Variants in RBFOX1 observed in about 807,000 individuals in gnomAD.
RBFOX1 encodes RNA binding protein fox-1 homolog 1.
Under a neutral mutation model 57.7 loss-of-function variants are expected in RBFOX1, and 8 were observed. The ratio of observed to expected loss-of-function variants is 0.14; its 90% CI spans 0.08 to 0.25. The LOEUF (loss-of-function observed/expected upper bound fraction) is 0.25, where lower values mean the gene tolerates loss of function less well. Ranked by LOEUF, RBFOX1 falls within the 10% of genes least tolerant of loss-of-function variation. RBFOX1 has a pLI of 1.00. For missense variants in RBFOX1, 611 were observed against 548.5 expected, an observed-to-expected ratio of 1.11 and a Z score of -1.14; for synonymous variants, 326 against 222.4, an observed-to-expected ratio of 1.47 and a Z score of -4.15.
At chr16:5,531,765 G>C (rs993590717) in intron 2 of RBFOX1, among the ~76,000 whole-genome samples, 1 of 151,552 alleles carries the variant, frequency 6.6e-6, no homozygotes, top group African/African-American at 2.4e-5. Flanking sequence ...TAGTGGTGGA[G>C]GTAGATAGGT....
intron 1 of RBFOX1, among the ~76,000 whole-genome samples, chr16:6,080,127 C>T (rs745758235): frequency 2.0e-5 from 3 of 152,138 alleles, no homozygotes; most frequent in Non-Finnish European, 4.4e-5. Context: ...ATATTTCCAC[C>T]TTGGTGTGTA....
At chr16:6,921,893 T>C (rs2153455577) in intron 3 of RBFOX1, among the ~76,000 whole-genome samples, 1 of 152,230 alleles carries the variant, frequency 6.6e-6, no homozygotes, top group South Asian at 2.1e-4. Flanking sequence ...GAGGAGATTA[T>C]GCAAGGGTGA....
chr16:5,842,343 G>T (rs763674727), intron 3 of RBFOX1, among the ~76,000 whole-genome samples: 9 of 152,110 alleles, frequency 5.9e-5, no homozygotes, highest in Non-Finnish European at 8.8e-5. Context: ...TGGCAGGAGG[G>T]TTTAGGGAAT....
intron 2 of RBFOX1, among the ~76,000 whole-genome samples, chr16:6,356,257 A>G (rs1365169134): frequency 6.6e-6 from 1 of 152,160 alleles, no homozygotes; most frequent in Non-Finnish European, 1.5e-5. Context: ...AAAGGGAGCA[A>G]TGTTGCAGGG....
chr16:7,665,542 C>G (rs1281563072), intron 13 of RBFOX1, among the ~76,000 whole-genome samples: 3 of 152,100 alleles, frequency 2.0e-5, no homozygotes, highest in Non-Finnish European at 4.4e-5. Context: ...CCCCAATTAC[C>G]TGACTTAAAA....
Position 5,507,925 on chromosome 16 carries a change from T to C in RBFOX1, c.258+40671T>C, listed in dbSNP as rs1039580400. ...AGAGTTCTGCCCTCCAGCATGAGAA[T>C]GCTTATGTGTTGTTTTAGGCCATCT... On this transcript the variant is annotated intron_variant, in intron 2 of 2. Coordinates refer to the RBFOX1 transcript ENST00000585867. Among the ~76,000 whole-genome samples the C allele has an allele frequency of 2.4e-4, 37 of 152,228 alleles. 1 individual carries two copies. The highest frequency in any genetic ancestry group is 2.1e-4 in the South Asian group (1 of 4,808).
intron 4 of RBFOX1, among the ~76,000 whole-genome samples, chr16:5,945,168 A>G (rs989078898): frequency 6.6e-6 from 1 of 152,048 alleles, no homozygotes; most frequent in African/African-American, 2.4e-5. Context: ...GCAAGTCATT[A>G]CAGAATTACT....
chr16:6,953,087 A>T (rs1426382596), intron 3 of RBFOX1, among the ~76,000 whole-genome samples: 2 of 152,192 alleles, frequency 1.3e-5, no homozygotes, highest in East Asian at 1.9e-4. Flanking sequence ...CACAAATACA[A>T]AAACAAAGAA....
At chr16:7,647,580 G>C (rs774960254) in intron 11 of RBFOX1, among the ~76,000 whole-genome samples, 2 of 151,850 alleles carry the variant, frequency 1.3e-5, no homozygotes, top group Non-Finnish European at 2.9e-5. Context: ...GCAGTGCTGG[G>C]GTTTAGAAAT....
At chr16:6,818,277 A>T (rs796135112) in intron 3 of RBFOX1, among the ~76,000 whole-genome samples, 1 of 151,952 alleles carries the variant, frequency 6.6e-6, no homozygotes, top group African/African-American at 2.4e-5. Flanking sequence ...GTGTAGCTGG[A>T]TTCACCTGTG....
intron 2 of RBFOX1, among the ~76,000 whole-genome samples, chr16:5,487,700 G>C (rs1223064103): frequency 1.3e-5 from 2 of 152,188 alleles, no homozygotes; most frequent in Non-Finnish European, 2.9e-5. Flanking sequence ...AGATGGTGGA[G>C]CTCATGTCTA....
In RBFOX1 at chr16:7,555,562, A is replaced by C. The variant is rs567418632; in HGVS notation, c.271-24215A>C. On this transcript the variant is annotated intron_variant, in intron 5 of 15. Transcript: ENST00000550418. ...TTTTTTGTTTAAAGCTAAAGTTCTT[A>C]GAGCAGACTACAAAGACCTGCGTGA... 4.6e-5 allele frequency among the ~76,000 whole-genome samples: 7 copies of C among 152,214 alleles called. No individual in the cohort carries two copies. In the South Asian group the frequency reaches 1.4e-3, roughly 31 times the overall value.
intron 11 of RBFOX1, among the ~76,000 whole-genome samples, chr16:7,644,647 C>G (rs546337745): frequency 1.3e-5 from 2 of 152,326 alleles, no homozygotes; most frequent in South Asian, 2.1e-4. Context: ...CAGTGATCAC[C>G]TTGTGCTCGG....
intron 3 of RBFOX1, among the ~76,000 whole-genome samples, chr16:5,784,269 A>C (rs543138683): frequency 1.0e-3 from 159 of 152,250 alleles, no homozygotes; most frequent in African/African-American, 3.7e-3. Context: ...AAAATACAAA[A>C]AAACAAAATT....
chr16:5,710,479 A>C (rs912716742), intron 3 of RBFOX1, among the ~76,000 whole-genome samples: 1 of 152,136 alleles, frequency 6.6e-6, no homozygotes, highest in Non-Finnish European at 1.5e-5. Context: ...CTATGCTAAC[A>C]CAAGTCACAA....
intron 4 of RBFOX1, among the ~76,000 whole-genome samples, chr16:7,089,248 G>A (rs146242333): frequency 5.3e-5 from 8 of 152,260 alleles, no homozygotes; most frequent in Non-Finnish European, 8.8e-5. Context: ...TGCGTATCAC[G>A]AAAGAGGTAT....
At chr16:7,532,232 T>C (rs527312079) in intron 5 of RBFOX1, among the ~76,000 whole-genome samples, 1 of 145,878 alleles carries the variant, frequency 6.9e-6, no homozygotes, top group Non-Finnish European at 1.5e-5. Flanking sequence ...GGCTTGCAAG[T>C]GGGAGTTGGG....
At chr16:5,640,720 A>G (rs57812633) in intron 3 of RBFOX1, among the ~76,000 whole-genome samples, 13,794 of 149,750 alleles carry the variant, frequency 0.092, 1,120 homozygotes, top group East Asian at 0.38. Context: ...CACGTACACT[A>G]TGCATAGAAA....
At position 5,464,769 on chromosome 16, in the gene RBFOX1, A is replaced by C. The variant is rs2068901808; in HGVS notation, c.220-2447A>C. 2.0e-5 allele frequency among the ~76,000 whole-genome samples: 3 copies of C among 152,180 alleles called. No homozygotes were observed. In the South Asian group the frequency reaches 6.2e-4, roughly 32 times the overall value. On this transcript the variant is annotated intron_variant, in intron 1 of 2. Transcript: ENST00000585867. ...GTGGTGAGCTTTGGGTGCGTTTCTG[A>C]GTCCCAAGAAAGGAGGCAATAGAGA...
Sources: allele counts gnomAD v4.1 joint callset (sites outside exome capture counted in the v4.1 genomes callset), GRCh38; gene constraint gnomAD v4.1.1; transcripts MANE v1.5; gene names NCBI Gene and HGNC (gene_info 2026-07-23, HGNC 2026-07-21).